FAT3: variants seen among roughly 807,000 people sequenced by gnomAD.
FAT3 encodes the protein FAT atypical cadherin 3, also known as protocadherin Fat 3.
Under a neutral mutation model 310.2 loss-of-function variants are expected in FAT3, and 95 were observed. That is an observed-to-expected ratio of 0.31 (90% CI 0.26 to 0.36). The LOEUF is 0.36. Among genes scored for constraint, FAT3 ranks in the 10% least tolerant of loss-of-function variants. The pLI, the probability that FAT3 is intolerant of heterozygous loss-of-function variation, is 1.00. For synonymous variants in FAT3, 2,314 were observed against 2,192.9 expected, an observed-to-expected ratio of 1.06 and a Z score of -1.54; for missense variants, 5,408 against 5,715.6, an observed-to-expected ratio of 0.95 and a Z score of 1.74.
chr11:92,664,038 A>G (rs1381170395), intron 3 of FAT3, among the ~76,000 whole-genome samples: 1 of 152,056 alleles, frequency 6.6e-6, no homozygotes, highest in African/African-American at 2.4e-5. Flanking sequence ...ACACACACAC[A>G]CAAAACCGTG....
intron 3 of FAT3, among the ~76,000 whole-genome samples, chr11:92,545,404 T>C (rs1954583828): frequency 6.6e-6 from 1 of 152,206 alleles, no homozygotes; most frequent in African/African-American, 2.4e-5. Flanking sequence ...GTTTTTGTCC[T>C]TTTGTTCACC....
chr11:92,456,901 A>T (rs1355504151), intron 2 of FAT3, among the ~76,000 whole-genome samples: 1 of 152,144 alleles, frequency 6.6e-6, no homozygotes, highest in Non-Finnish European at 1.5e-5. Context: ...TTATGCCTAC[A>T]TGACCATGGA....
chr11:92,512,147 T>C (rs953002400), intron 2 of FAT3, among the ~76,000 whole-genome samples: 1 of 152,148 alleles, frequency 6.6e-6, no homozygotes, highest in Admixed American at 6.6e-5. Flanking sequence ...AAAAGTGCAT[T>C]GAAGTATACA....
chr11:92,885,838 C>T (rs563604051), intron 24 of FAT3, among the ~76,000 whole-genome samples: 4 of 152,302 alleles, frequency 2.6e-5, no homozygotes, highest in African/African-American at 9.6e-5. Flanking sequence ...ATATTTTCTG[C>T]AACATGGCTG....
At chr11:92,455,052 C>A (rs557020958) in intron 2 of FAT3, among the ~76,000 whole-genome samples, 1 of 152,078 alleles carries the variant, frequency 6.6e-6, no homozygotes, top group Admixed American at 6.6e-5. Context: ...TTCCAATAAT[C>A]TGCAACCTTT....
At position 92,694,541 on chromosome 11, in the gene FAT3, T is replaced by C. The variant is rs568912730; in HGVS notation, c.3608-2843T>C. On this transcript the variant is annotated intron_variant, in intron 3 of 27. Transcript: ENST00000525166. ...AGCTCTCCCAGTTACATGTAGGCAT[T>C]GTGAAAACAAGTGAATGTCCTAAAG... Among the ~76,000 whole-genome samples, 3 of 152,238 alleles carry C rather than the reference T, an allele frequency of 2.0e-5. No homozygotes were observed. In the South Asian group the frequency reaches 6.2e-4, roughly 32 times the overall value.
At chr11:92,461,289 C>A (rs1408482762) in intron 2 of FAT3, among the ~76,000 whole-genome samples, 2 of 152,114 alleles carry the variant, frequency 1.3e-5, no homozygotes, top group African/African-American at 4.8e-5. Context: ...ACTCTCCCCT[C>A]CTCCCTACCA....
At chr11:92,527,306 G>A (rs1953899287) in intron 3 of FAT3, among the ~76,000 whole-genome samples, 1 of 152,142 alleles carries the variant, frequency 6.6e-6, no homozygotes, top group Non-Finnish European at 1.5e-5. Context: ...CTTAAATGTA[G>A]TTTTTAGTGA....
chr11:92,863,014 C>G (rs1005060663), intron 21 of FAT3, among the ~76,000 whole-genome samples: 58 of 152,130 alleles, frequency 3.8e-4, no homozygotes, highest in African/African-American at 1.3e-3. Context: ...ATTCAGAGGG[C>G]TGGGATGATT....
chr11:92,262,692 A>G (rs1025810854), intron 1 of FAT3, among the ~76,000 whole-genome samples: 1 of 152,124 alleles, frequency 6.6e-6, no homozygotes, highest in South Asian at 2.1e-4. Context: ...ATTATTTGAT[A>G]TTTTAGTACA....
At chr11:92,747,499 G>T (rs2852405) in intron 4 of FAT3, among the ~76,000 whole-genome samples, 1 of 152,106 alleles carries the variant, frequency 6.6e-6, no homozygotes, top group Non-Finnish European at 1.5e-5. Flanking sequence ...TGCCTTGAAG[G>T]CCTCTGACAT....
At chr11:92,873,130 T>C (rs986953924) in intron 22 of FAT3, among the ~76,000 whole-genome samples, 3 of 152,226 alleles carry the variant, frequency 2.0e-5, no homozygotes, top group Non-Finnish European at 4.4e-5. Flanking sequence ...GTGTGCTGCA[T>C]TGTGGTTTAT....
In FAT3 at chr11:92,480,368, G is replaced by A. The variant is rs74853287; in HGVS notation, c.3293-44266G>A. On this transcript the variant is annotated intron_variant, in intron 2 of 27. Coordinates refer to ENST00000525166, the MANE Select transcript of FAT3 (RefSeq NM_001367949.2). Reference sequence around the variant, plus strand: ...GTCAAAGGCAGTATATTTTGGAGTCGGCCACCTCTGTGTACCTCAAATTAT... The same window carrying A: ...GTCAAAGGCAGTATATTTTGGAGTCAGCCACCTCTGTGTACCTCAAATTAT... 2.4e-4 allele frequency among the ~76,000 whole-genome samples: 36 copies of A among 152,138 alleles called. No homozygotes were observed. In the East Asian group the frequency reaches 6.6e-3, roughly 28 times the overall value.
intron 3 of FAT3, among the ~76,000 whole-genome samples, chr11:92,650,151 A>G (rs574029306): frequency 2.9e-4 from 44 of 151,960 alleles, no homozygotes; most frequent in African/African-American, 9.6e-4. Flanking sequence ...TATACCTTGC[A>G]TCCTACCAGA....
chr11:92,875,487 C>T (rs1340923112), intron 22 of FAT3, among the ~76,000 whole-genome samples: 1 of 151,170 alleles, frequency 6.6e-6, no homozygotes, highest in Non-Finnish European at 1.5e-5. Context: ...TCTTCTATAG[C>T]GTGCTTCTAA....
chr11:92,736,974 G>A lies in FAT3; in HGVS notation c.3670-24882G>A, dbSNP rs17542353. Among the ~76,000 whole-genome samples, 460 of 152,262 alleles carry A rather than the reference G, an allele frequency of 3.0e-3. 9 individuals are homozygous for A. Among genetic ancestry groups the A allele is most frequent in the Non-Finnish European group, 3.3e-3 (222 of 68,020 alleles). On this transcript the variant is annotated intron_variant, in intron 4 of 27. Transcript: ENST00000525166. ...TGTTGCCATGAAGACACAACGGAAC[G>A]TGGTTAAGGGAGAAGAAAGAGCCTT...
chr11:92,591,462 A>G (rs1481611147), intron 3 of FAT3, among the ~76,000 whole-genome samples: 1 of 152,192 alleles, frequency 6.6e-6, no homozygotes, highest in East Asian at 1.9e-4. Flanking sequence ...ATTTCTGTTA[A>G]TCCAAAGAGT....
At chr11:92,802,640 G>A (rs1468535605) in intron 10 of FAT3, among the ~76,000 whole-genome samples, 2 of 152,110 alleles carry the variant, frequency 1.3e-5, no homozygotes, top group Non-Finnish European at 2.9e-5. Context: ...AGGGTTGACA[G>A]TGTGGGAAGG....
chr11:92,718,001 G>T (rs547570753), intron 4 of FAT3, among the ~76,000 whole-genome samples: 1 of 152,152 alleles, frequency 6.6e-6, no homozygotes, highest in Non-Finnish European at 1.5e-5. Context: ...AGAGCTGGAG[G>T]CTATTTCCAT....
Sources: gnomAD v4.1 joint callset for allele counts (sites outside exome capture counted in the v4.1 genomes callset) on GRCh38, gnomAD v4.1.1 for gene constraint, MANE v1.5 for transcripts, NCBI Gene and HGNC (gene_info 2026-07-23, HGNC 2026-07-21) for gene names.